MYO1D: variants seen among roughly 807,000 people sequenced by gnomAD.
MYO1D encodes the protein myosin ID.
Under a neutral mutation model 122.0 loss-of-function variants are expected in MYO1D, and 83 were observed. The observed-to-expected ratio is 0.68, with a 90% CI of 0.57 to 0.82. The LOEUF (loss-of-function observed/expected upper bound fraction) is 0.82. Among genes scored for constraint, MYO1D ranks in the 40% least tolerant of loss-of-function variants. MYO1D has a pLI of 0.00. For synonymous variants in MYO1D, 464 were observed against 446.9 expected, an observed-to-expected ratio of 1.04 and a Z score of -0.48; for missense variants, 1,157 against 1,269.5, an observed-to-expected ratio of 0.91 and a Z score of 1.35.
At chr17:32,654,360 G>A in intron 18 of MYO1D, 117 bp downstream of exon 18, 2 of 1,147,086 alleles carry the variant, frequency 1.7e-6, no homozygotes, top group Non-Finnish European at 2.5e-6. Context: ...GTATCTCATA[G>A]AAATTATTTA....
chr17:32,565,315 C>T (rs1223068285), intron 21 of MYO1D, among the ~76,000 whole-genome samples: 2 of 152,060 alleles, frequency 1.3e-5, no homozygotes, highest in African/African-American at 2.4e-5. Context: ...GAAGAAAATA[C>T]CTTCATGTGC....
intron 20 of MYO1D, among the ~76,000 whole-genome samples, chr17:32,609,359 T>A (rs555198832): frequency 1.3e-5 from 2 of 152,282 alleles, no homozygotes; most frequent in East Asian, 3.9e-4. Flanking sequence ...GATGGCGCAG[T>A]GCCACACGGC....
intron 20 of MYO1D, among the ~76,000 whole-genome samples, chr17:32,629,403 G>A (rs2087972733): frequency 6.6e-6 from 1 of 152,074 alleles, no homozygotes; most frequent in Admixed American, 6.6e-5. Context: ...GGGGGTTTCA[G>A]GAAGGAATGC....
At chr17:32,846,020 C>T (rs1283304304) in intron 1 of MYO1D, among the ~76,000 whole-genome samples, 3 of 151,940 alleles carry the variant, frequency 2.0e-5, no homozygotes, top group East Asian at 1.9e-4. Flanking sequence ...GAAGGTACAA[C>T]GAAAGCCTGA....
intron 21 of MYO1D, among the ~76,000 whole-genome samples, chr17:32,508,431 A>G (rs1339444533): frequency 6.6e-6 from 1 of 151,548 alleles, no homozygotes; most frequent in African/African-American, 2.4e-5. Context: ...GCACACCACC[A>G]CGCCCAGCTA....
intron 1 of MYO1D, among the ~76,000 whole-genome samples, chr17:32,851,369 T>C (rs973672377): frequency 6.6e-6 from 1 of 152,152 alleles, no homozygotes; most frequent in South Asian, 2.1e-4. Flanking sequence ...TCCTCAAGCA[T>C]CTTGTTCCAT....
At chr17:32,705,390 G>T (rs568637934) in intron 16 of MYO1D, among the ~76,000 whole-genome samples, 1 of 152,054 alleles carries the variant, frequency 6.6e-6, no homozygotes, top group Non-Finnish European at 1.5e-5. Context: ...CTCCTGAGTA[G>T]CTGGGACTAC....
At chr17:32,648,168 T>G (rs2088325143) in intron 19 of MYO1D, among the ~76,000 whole-genome samples, 1 of 151,988 alleles carries the variant, frequency 6.6e-6, no homozygotes, top group African/African-American at 2.4e-5. Flanking sequence ...GAGCCAAAAT[T>G]GCGCCACAGC....
At chr17:32,776,878 A>G (rs1355809947) in intron 3 of MYO1D, among the ~76,000 whole-genome samples, 1 of 152,180 alleles carries the variant, frequency 6.6e-6, no homozygotes, top group Non-Finnish European at 1.5e-5. Flanking sequence ...TCCACTGATA[A>G]AATTCTTCTT....
intron 21 of MYO1D, among the ~76,000 whole-genome samples, chr17:32,595,866 G>A (rs1246048212): frequency 6.6e-6 from 1 of 152,224 alleles, no homozygotes; most frequent in Non-Finnish European, 1.5e-5. Context: ...TTTGGGGACA[G>A]GGTGTGGTGG....
At chr17:32,871,710 C>T (rs2091181666) in intron 1 of MYO1D, among the ~76,000 whole-genome samples, 2 of 152,224 alleles carry the variant, frequency 1.3e-5, no homozygotes, top group South Asian at 4.1e-4. Context: ...CTCAAGTCCA[C>T]TCCTGAGCAG....
chr17:32,508,615 G>C (rs1457551230), intron 21 of MYO1D, among the ~76,000 whole-genome samples: 3 of 152,184 alleles, frequency 2.0e-5, no homozygotes, highest in Admixed American at 1.3e-4. Flanking sequence ...AGCAGACTAA[G>C]ACAAATAGTC....
intron 14 of MYO1D, among the ~76,000 whole-genome samples, chr17:32,737,130 A>T (rs1455200910): frequency 1.3e-5 from 2 of 152,160 alleles, no homozygotes; most frequent in African/African-American, 2.4e-5. Context: ...TTGATTTTTT[A>T]AAAAAAGATA....
chr17:32,827,234 G>A (rs2090730397), intron 1 of MYO1D, among the ~76,000 whole-genome samples: 1 of 152,156 alleles, frequency 6.6e-6, no homozygotes, highest in Non-Finnish European at 1.5e-5. Flanking sequence ...TCTGACACAT[G>A]CTATAACATG....
chr17:32,542,069 G>A (rs949148404), intron 21 of MYO1D, among the ~76,000 whole-genome samples: 8 of 152,036 alleles, frequency 5.3e-5, no homozygotes, highest in African/African-American at 9.7e-5. Flanking sequence ...CTCCTTCTAG[G>A]AACCCCTGGC....
intron 19 of MYO1D, among the ~76,000 whole-genome samples, chr17:32,644,702 T>C: frequency 6.6e-6 from 1 of 152,208 alleles, no homozygotes; most frequent in Admixed American, 6.5e-5. Context: ...CTTCGTTGGT[T>C]TAAGGTCCGT....
At chr17:32,837,731 C>T (rs867146545) in intron 1 of MYO1D, among the ~76,000 whole-genome samples, 1 of 152,138 alleles carries the variant, frequency 6.6e-6, no homozygotes, top group Non-Finnish European at 1.5e-5. Context: ...ATAATACCAA[C>T]TCACCATGTC....
intron 21 of MYO1D, among the ~76,000 whole-genome samples, chr17:32,603,521 C>CTT (rs776245633): frequency 3.1e-3 from 308 of 99,662 alleles, no homozygotes; most frequent in East Asian, 3.8e-3. Context: ...ACATTCTAAA[C>CTT]TTTTTTTTTT....
intron 21 of MYO1D, among the ~76,000 whole-genome samples, chr17:32,539,276 TACACACACACACACACACACACACAC>T (rs5819986): frequency 7.5e-6 from 1 of 133,424 alleles, no homozygotes; most frequent in Admixed American, 7.7e-5. Flanking sequence ...ACCCTGTCTC[TACACACACACACACACACACACACAC>T]ACACACACAC....
Sources: allele counts gnomAD v4.1 joint callset (sites outside exome capture counted in the v4.1 genomes callset), GRCh38; gene constraint gnomAD v4.1.1; transcripts MANE v1.5; gene names NCBI Gene and HGNC (gene_info 2026-07-23, HGNC 2026-07-21).